The following GNB1 variants were observed in gnomAD, a reference collection of about 807,000 sequenced individuals.
GNB1 encodes the protein guanine nucleotide-binding protein G(I)/G(S)/G(T) subunit beta-1.
Under a neutral mutation model 42.9 loss-of-function variants are expected in GNB1, and 2 were observed. The observed-to-expected ratio is 0.05, with a 90% confidence interval of 0.02 to 0.15. The LOEUF (loss-of-function observed/expected upper bound fraction) is 0.15, where lower values mean the gene tolerates loss of function less well. Among genes scored for constraint, GNB1 ranks in the 10% least tolerant of loss-of-function variants. The pLI is 1.00. For synonymous variants in GNB1, 183 were observed against 174.7 expected, an observed-to-expected ratio of 1.05 and a Z score of -0.38; for missense variants, 193 against 462.2, an observed-to-expected ratio of 0.42 and a Z score of 5.34.
intron 1 of GNB1, among the ~76,000 whole-genome samples, chr1:1,875,895 G>A (rs796086152): frequency 2.1e-4 from 32 of 152,142 alleles, no homozygotes; most frequent in African/African-American, 6.5e-4. Context: ...TATTTGGAGC[G>A]TCTTTCCAGG....
intron 6 of GNB1, among the ~76,000 whole-genome samples, chr1:1,805,415 C>T (rs1646683735): frequency 6.6e-6 from 1 of 151,692 alleles, no homozygotes; most frequent in Non-Finnish European, 1.5e-5. Context: ...GAGCAGAGAT[C>T]ACGCCACTGC....
At chr1:1,826,974 C>T (rs937590967) in intron 2 of GNB1, among the ~76,000 whole-genome samples, 1 of 152,154 alleles carries the variant, frequency 6.6e-6, no homozygotes, top group Admixed American at 6.5e-5. Context: ...TTACAATTAG[C>T]TCTCACATGC....
intron 1 of GNB1, among the ~76,000 whole-genome samples, chr1:1,843,029 G>A (rs1473570322): frequency 2.0e-5 from 3 of 152,206 alleles, no homozygotes; most frequent in African/African-American, 7.2e-5. Flanking sequence ...TGCCAGTAGT[G>A]CTCCTTTCCC....
chr1:1,808,869 C>G (rs1372453214), intron 5 of GNB1, among the ~76,000 whole-genome samples: 1 of 152,136 alleles, frequency 6.6e-6, no homozygotes, highest in African/African-American at 2.4e-5. Context: ...GTCTCCAACT[C>G]CTGGCCTCAA....
At chr1:1,836,856 CTTTTTT>C (rs35131919) in intron 2 of GNB1, among the ~76,000 whole-genome samples, 9 of 120,162 alleles carry the variant, frequency 7.5e-5, no homozygotes, top group South Asian at 2.7e-4. Context: ...CGACTGCTAA[CTTTTTT>C]TTTTTTTTTT....
Position 1,788,551 on chromosome 1 carries a change from C to T in GNB1, c.916+502G>A, listed in dbSNP as rs149164419. The T allele has an allele frequency of 2.5e-4, 40 of 158,936 alleles. No homozygotes were observed. The East Asian group carries it at 7.1e-3, about 28-fold the overall frequency. The allele number at this position is 158,936 out of a possible 1,614,324, so 9.8% of individuals were successfully genotyped here. On this transcript the variant is annotated intron_variant, in intron 10 of 11. Coordinates refer to ENST00000378609, the MANE Select transcript of GNB1 (RefSeq NM_002074.5). ...GTAAGGGCCAAGACCTGGAGCCATGCTCCCTTCTGTCCTCCCAGGTACTGA... is the reference window on the plus strand; with the variant it reads ...GTAAGGGCCAAGACCTGGAGCCATGTTCCCTTCTGTCCTCCCAGGTACTGA...
At position 1,790,497 on chromosome 1, in the gene GNB1, G is replaced by A. The variant is rs538188811; in HGVS notation, c.597C>T (p.Phe199=). Residue 199 remains phenylalanine (F), a synonymous_variant, in exon 9 of 12, where the codon TTC becomes TTT. Coordinates refer to ENST00000378609, the MANE Select transcript of GNB1 (RefSeq NM_002074.5). The surrounding 1 kb of genome is among the most constrained non-coding windows in gnomAD (Gnocchi z 5.4). The stretch of plus-strand genomic sequence containing the variant: ...CTGAAGCATCACAAGCACCAGAGAC[G>A]AACAGTCTGGTGTCAGGAGCAAGAG... ...SLSLAPDTRL[F]VSGACDASAK... 42 of 1,611,872 alleles carry A rather than the reference G, an allele frequency of 2.6e-5. No homozygotes were observed. The highest frequency in any genetic ancestry group is 1.3e-4 in the African/African-American group (10 of 74,866).
chr1:1,808,622 A>G (rs986944606), intron 5 of GNB1, among the ~76,000 whole-genome samples: 3 of 149,064 alleles, frequency 2.0e-5, no homozygotes, highest in Admixed American at 2.0e-4. Flanking sequence ...TATCAAACGC[A>G]AGGTTTTTTG....
At chr1:1,807,945 G>A (rs928834102) in intron 5 of GNB1, among the ~76,000 whole-genome samples, 5 of 152,012 alleles carry the variant, frequency 3.3e-5, no homozygotes, top group Middle Eastern at 3.2e-3. Flanking sequence ...TCCTGACCTC[G>A]TGATCTGCCC....
intron 2 of GNB1, among the ~76,000 whole-genome samples, chr1:1,827,141 G>C (rs1570677376): frequency 6.6e-6 from 1 of 152,178 alleles, no homozygotes; most frequent in African/African-American, 2.4e-5. Flanking sequence ...CCATCTGTGG[G>C]AAACTATCCG....
chr1:1,861,219 G>A (rs1648609063), intron 1 of GNB1, among the ~76,000 whole-genome samples: 1 of 152,098 alleles, frequency 6.6e-6, no homozygotes, highest in Admixed American at 6.6e-5. Flanking sequence ...TATTGTGGGA[G>A]GCTAAGGCAG....
rs560648501 is a variant in GNB1 at position 1,856,504 on chromosome 1, T to G, written c.-95-17266A>C. Among the ~76,000 whole-genome samples the G allele has an allele frequency of 1.3e-3, 193 of 152,300 alleles. 1 individual carries two copies. Among genetic ancestry groups the G allele is most frequent in the Non-Finnish European group, 1.0e-3 (69 of 68,024 alleles). On this transcript the variant is annotated intron_variant, in intron 1 of 11. Coordinates refer to ENST00000378609, the MANE Select transcript of GNB1 (RefSeq NM_002074.5). ...GTGCAGTGGCCTGATCTCAGCTCAC[T>G]GCAACCTCCACCTCCTGGGTTCAGG...
intron 1 of GNB1, among the ~76,000 whole-genome samples, chr1:1,878,326 C>G (rs149206937): frequency 1.3e-5 from 2 of 152,312 alleles, no homozygotes; most frequent in Admixed American, 6.5e-5. Flanking sequence ...TTTATTTCAA[C>G]AGGAAAACCT....
At chr1:1,827,838 T>C (rs1209817346) in intron 2 of GNB1, among the ~76,000 whole-genome samples, 1 of 152,176 alleles carries the variant, frequency 6.6e-6, no homozygotes, top group Non-Finnish European at 1.5e-5. Flanking sequence ...ACTTTAATCC[T>C]TCCAAAATCA....
intron 1 of GNB1, among the ~76,000 whole-genome samples, chr1:1,840,954 T>C (rs556754615): frequency 1.3e-4 from 20 of 152,330 alleles, no homozygotes; most frequent in African/African-American, 4.6e-4. Flanking sequence ...TGCAGTGGTA[T>C]CATCTCAGTT....
At chr1:1,819,867 G>A (rs1646908259) in intron 3 of GNB1, among the ~76,000 whole-genome samples, 1 of 152,124 alleles carries the variant, frequency 6.6e-6, no homozygotes. Flanking sequence ...AGAAAAATGT[G>A]TTTATATGCT....
At chr1:1,824,419 C>A (rs1389625732) in intron 3 of GNB1, among the ~76,000 whole-genome samples, 2 of 152,040 alleles carry the variant, frequency 1.3e-5, no homozygotes, top group African/African-American at 2.4e-5. Context: ...CCAGCCTGGG[C>A]ACAACAGAGT....
intron 2 of GNB1, among the ~76,000 whole-genome samples, chr1:1,832,514 A>T (rs1462481511): frequency 1.3e-5 from 2 of 152,264 alleles, no homozygotes; most frequent in Non-Finnish European, 2.9e-5. Context: ...ACTTAAAAGC[A>T]AGCAGGTGAA....
chr1:1,882,293 C>A (rs1386587016), intron 1 of GNB1, among the ~76,000 whole-genome samples: 1 of 151,872 alleles, frequency 6.6e-6, no homozygotes, highest in Non-Finnish European at 1.5e-5. Context: ...CTAGGCGTGG[C>A]GGCATGCACC....
Sources: gnomAD v4.1 joint callset for allele counts (sites outside exome capture counted in the v4.1 genomes callset) on GRCh38, gnomAD v4.1.1 for gene constraint, Gnocchi (gnomAD v3.1) non-coding constraint, MANE v1.5 for transcripts, NCBI Gene and HGNC (gene_info 2026-07-23, HGNC 2026-07-21) for gene names.